EPHB2: variants seen among roughly 807,000 people sequenced by gnomAD.
EPHB2 encodes the protein ephrin type-B receptor 2.
Under a neutral mutation model 96.4 loss-of-function variants are expected in EPHB2, and 18 were observed. That is an observed-to-expected ratio of 0.19 (90% CI 0.13 to 0.28). The LOEUF is 0.28. Ranked by LOEUF, EPHB2 falls within the 10% of genes least tolerant of loss-of-function variation. The pLI, the probability that EPHB2 is intolerant of heterozygous loss-of-function variation, is 1.00. For synonymous variants in EPHB2, 506 were observed against 534.1 expected (o/e 0.95, Z 0.72); for missense variants, 989 against 1,355.4 (o/e 0.73, Z 4.25).
chr1:22,743,774 G>A (rs766040456), intron 1 of EPHB2, among the ~76,000 whole-genome samples: 36 of 152,260 alleles, frequency 2.4e-4, no homozygotes, highest in Non-Finnish European at 4.7e-4. Flanking sequence ...TGCCCAGCCC[G>A]GGAGGATTAA....
At chr1:22,891,796 T>A (rs1304083132) in intron 6 of EPHB2, among the ~76,000 whole-genome samples, 1 of 114,218 alleles carries the variant, frequency 8.8e-6, no homozygotes, top group Non-Finnish European at 2.0e-5. Context: ...TTTTTTTTTG[T>A]TGTTGTTGTA....
At chr1:22,910,165 G>A (rs777447627) in intron 13 of EPHB2, among the ~76,000 whole-genome samples, 1 of 152,158 alleles carries the variant, frequency 6.6e-6, no homozygotes, top group African/African-American at 2.4e-5. Flanking sequence ...ATTGGCAAAG[G>A]GTGGGGCAGG....
chr1:22,884,332 C>T (rs1639152856), intron 6 of EPHB2, among the ~76,000 whole-genome samples: 1 of 151,872 alleles, frequency 6.6e-6, no homozygotes, highest in Non-Finnish European at 1.5e-5. Flanking sequence ...ATAGCAAAAC[C>T]CCATCTCTAC....
intron 1 of EPHB2, among the ~76,000 whole-genome samples, chr1:22,725,453 G>T (rs149303498): frequency 7.0e-4 from 106 of 152,134 alleles, no homozygotes; most frequent in Non-Finnish European, 1.6e-4. Flanking sequence ...ATAAATCGAT[G>T]AAATCAATGG....
intron 1 of EPHB2, among the ~76,000 whole-genome samples, chr1:22,713,950 G>A (rs1019417301): frequency 1.3e-5 from 2 of 152,242 alleles, no homozygotes; most frequent in Non-Finnish European, 2.9e-5. Context: ...CGGCGAGCAG[G>A]ATGGAAGAGC....
chr1:22,870,887 T>C (rs1207621254), intron 5 of EPHB2, among the ~76,000 whole-genome samples: 2 of 152,214 alleles, frequency 1.3e-5, no homozygotes, highest in Non-Finnish European at 2.9e-5. Flanking sequence ...ATCTTCCTCA[T>C]GGATAGCTTC....
At chr1:22,882,298 T>C in intron 5 of EPHB2, 61 bp from the exon 6 acceptor site, 1 of 1,604,698 alleles carries the variant, frequency 6.2e-7, no homozygotes, top group South Asian at 1.1e-5. Flanking sequence ...CCTCTGAGGG[T>C]GGGCCAGAAG....
Position 22,906,165 on chromosome 1 carries a change from AC to A in EPHB2, c.1888+60del. On this transcript the variant is annotated intron_variant, in intron 10 of 15. Coordinates refer to ENST00000374630, the MANE Select transcript of EPHB2 (RefSeq NM_017449.5). This position sits in a 1 kb window ranked among gnomAD's most constrained non-coding sequence, Gnocchi z 4.8. ...GACCTTAGCCATGGCTGGTGAGACCACCCCAATGTATACCCTTGGGGCAGAA... is the reference window on the plus strand; with the variant it reads ...GACCTTAGCCATGGCTGGTGAGACCACCCAATGTATACCCTTGGGGCAGAA... 6.2e-7 allele frequency: 1 copy of A among 1,613,036 alleles called. No individual in the cohort carries two copies.
At position 22,913,635 on chromosome 1, in the gene EPHB2, T is replaced by A; in HGVS notation, c.*65T>A. 1 of 1,605,272 alleles carries A rather than the reference T, an allele frequency of 6.2e-7. No homozygotes were observed. The highest frequency in any genetic ancestry group is 8.5e-7 in the Non-Finnish European group (1 of 1,176,172). On this transcript the variant is annotated 3_prime_UTR_variant, in exon 16 of 16. Transcript: ENST00000374630. The surrounding 1 kb of genome is among the most constrained non-coding windows in gnomAD (Gnocchi z 4.1). ...CCCCCTCTGCCCCACGTGCCGGCCC[T>A]CCTGGTGCTCTATCCACTGCAGGGC...
chr1:22,785,542 G>T (rs1018098891), intron 3 of EPHB2, among the ~76,000 whole-genome samples: 1 of 152,222 alleles, frequency 6.6e-6, no homozygotes, highest in African/African-American at 2.4e-5. Flanking sequence ...TCCCCTTAAT[G>T]CTCCATGTCC....
At chr1:22,859,800 A>G (rs868640207) in intron 3 of EPHB2, among the ~76,000 whole-genome samples, 1 of 152,312 alleles carries the variant, frequency 6.6e-6, no homozygotes. Flanking sequence ...CTCAAAAAAG[A>G]AAAACAAATT....
intron 1 of EPHB2, among the ~76,000 whole-genome samples, chr1:22,731,285 A>AC (rs908633525): frequency 6.6e-6 from 1 of 151,708 alleles, no homozygotes; most frequent in African/African-American, 2.4e-5. Flanking sequence ...GCCCAAATCC[A>AC]CCCCCATCAG....
intron 3 of EPHB2, 146 bp downstream of exon 3, chr1:22,785,222 A>G (rs545526552): frequency 3.0e-6 from 3 of 1,016,508 alleles, no homozygotes; most frequent in East Asian, 2.6e-5. Context: ...ACCAGCAACC[A>G]TCGTTCAGCT....
chr1:22,873,248 C>T (rs115105719), intron 5 of EPHB2, among the ~76,000 whole-genome samples: 2,003 of 152,240 alleles, frequency 0.013, 41 homozygotes, highest in African/African-American at 0.042. Flanking sequence ...CCGGGTCACT[C>T]GGCAGCTCTT....
chr1:22,881,818 C>G (rs1216326134), intron 5 of EPHB2, among the ~76,000 whole-genome samples: 1 of 152,108 alleles, frequency 6.6e-6, no homozygotes, highest in Non-Finnish European at 1.5e-5. Flanking sequence ...GTCTTGAACT[C>G]CTGACCTCAG....
chr1:22,896,038 C>T (rs1639549817), intron 8 of EPHB2, among the ~76,000 whole-genome samples: 1 of 152,204 alleles, frequency 6.6e-6, no homozygotes, highest in South Asian at 2.1e-4. Context: ...GGGCCAGTTC[C>T]TTGACTTCTG....
chr1:22,895,415 A>G (rs1639524935), intron 7 of EPHB2, 57 bp from the exon 8 acceptor site: 3 of 1,535,210 alleles, frequency 2.0e-6, no homozygotes, highest in Non-Finnish European at 2.7e-6. Flanking sequence ...GTAGGGGACA[A>G]GGGTATTACG....
intron 3 of EPHB2, among the ~76,000 whole-genome samples, chr1:22,816,173 A>G (rs1645072611): frequency 6.6e-6 from 1 of 152,046 alleles, no homozygotes. Context: ...ACTAGTTAAC[A>G]CTGTTCCTGG....
At chr1:22,904,544 A>G (rs1028694153) in intron 9 of EPHB2, among the ~76,000 whole-genome samples, 9 of 152,174 alleles carry the variant, frequency 5.9e-5, no homozygotes, top group Middle Eastern at 6.3e-3. Flanking sequence ...CCCTGACCTC[A>G]AGGGTTAAAC....
Sources: gnomAD v4.1 joint callset for allele counts (sites outside exome capture counted in the v4.1 genomes callset) on GRCh38, gnomAD v4.1.1 for gene constraint, Gnocchi (gnomAD v3.1) non-coding constraint, MANE v1.5 for transcripts, NCBI Gene and HGNC (gene_info 2026-07-23, HGNC 2026-07-21) for gene names.